The following CDH12 variants were observed in gnomAD, a reference collection of about 807,000 sequenced individuals.
The protein encoded by CDH12 is cadherin-12.
CDH12 carries 41 observed loss-of-function variants against 74.1 expected under a neutral mutation model. The ratio of observed to expected loss-of-function variants is 0.55; its 90% CI spans 0.43 to 0.72. The LOEUF (loss-of-function observed/expected upper bound fraction) is 0.72, where lower values mean the gene tolerates loss of function less well. CDH12 is among the 30% of genes least tolerant of loss of function. The pLI, the probability that CDH12 is intolerant of heterozygous loss-of-function variation, is 0.00. For synonymous variants in CDH12, 399 were observed against 355.0 expected, an observed-to-expected ratio of 1.12 and a Z score of -1.39; for missense variants, 945 against 977.2, an observed-to-expected ratio of 0.97 and a Z score of 0.44.
intron 5 of CDH12, among the ~76,000 whole-genome samples, chr5:22,040,052 A>C (rs898678606): frequency 1.3e-5 from 2 of 152,146 alleles, no homozygotes; most frequent in Non-Finnish European, 2.9e-5. Context: ...AGTGAGATAC[A>C]AGAGAATACA....
At chr5:22,111,143 T>C (rs1043591133) in intron 4 of CDH12, among the ~76,000 whole-genome samples, 10 of 152,150 alleles carry the variant, frequency 6.6e-5, no homozygotes, top group African/African-American at 2.4e-4. Context: ...TTTCCTTTTA[T>C]TTTCTTGGGT....
intron 6 of CDH12, among the ~76,000 whole-genome samples, chr5:21,973,360 T>A (rs890627412): frequency 6.6e-6 from 1 of 152,204 alleles, no homozygotes; most frequent in African/African-American, 2.4e-5. Flanking sequence ...TCCAGTATCT[T>A]ATGACAACAC....
At chr5:22,065,188 C>T (rs1293966456) in intron 5 of CDH12, among the ~76,000 whole-genome samples, 1 of 152,124 alleles carries the variant, frequency 6.6e-6, no homozygotes, top group Non-Finnish European at 1.5e-5. Flanking sequence ...AGTTGTGTAA[C>T]TAGACCCAAG....
At chr5:22,284,295 C>A (rs773951886) in intron 3 of CDH12, among the ~76,000 whole-genome samples, 9 of 152,082 alleles carry the variant, frequency 5.9e-5, no homozygotes, top group Non-Finnish European at 1.2e-4. Flanking sequence ...GCTATCACAG[C>A]AATATACATT....
chr5:22,091,847 T>A (rs1315800276), intron 4 of CDH12, among the ~76,000 whole-genome samples: 1 of 151,854 alleles, frequency 6.6e-6, no homozygotes, highest in East Asian at 2.0e-4. Context: ...GGTACTGGCA[T>A]AAGTATACAC....
chr5:22,649,126 G>T (rs1350655151), intron 1 of CDH12, among the ~76,000 whole-genome samples: 1 of 152,006 alleles, frequency 6.6e-6, no homozygotes, highest in Non-Finnish European at 1.5e-5. Flanking sequence ...AGGGTGAAAT[G>T]AGGACTAAGG....
intron 1 of CDH12, among the ~76,000 whole-genome samples, chr5:22,538,597 A>T: frequency 6.6e-6 from 1 of 152,240 alleles, no homozygotes; most frequent in Non-Finnish European, 1.5e-5. Context: ...GGCTGGCAAG[A>T]GGCAAAAATC....
At chr5:22,230,991 A>G (rs1162876176) in intron 3 of CDH12, among the ~76,000 whole-genome samples, 4 of 152,214 alleles carry the variant, frequency 2.6e-5, no homozygotes, top group Non-Finnish European at 5.9e-5. Flanking sequence ...ACAATGCCAT[A>G]TTCTTGTGAC....
intron 4 of CDH12, among the ~76,000 whole-genome samples, chr5:22,115,689 CTTTT>C (rs10669028): frequency 1.8e-5 from 2 of 110,480 alleles, no homozygotes; most frequent in Non-Finnish European, 3.5e-5. Flanking sequence ...GTCCTCGCGA[CTTTT>C]TTTTTTTTTT....
intron 6 of CDH12, among the ~76,000 whole-genome samples, chr5:21,954,460 C>T (rs542340350): frequency 6.6e-6 from 1 of 152,172 alleles, no homozygotes; most frequent in Non-Finnish European, 1.5e-5. Context: ...AGAGAGCTAA[C>T]TGTTATCCCA....
chr5:22,107,903 A>C (rs1476258238), intron 4 of CDH12, among the ~76,000 whole-genome samples: 1 of 152,226 alleles, frequency 6.6e-6, no homozygotes, highest in African/African-American at 2.4e-5. Flanking sequence ...TACAGGCATA[A>C]GATGAGATAC....
chr5:22,496,664 C>A (rs1042799757), intron 2 of CDH12, among the ~76,000 whole-genome samples: 1 of 152,156 alleles, frequency 6.6e-6, no homozygotes, highest in African/African-American at 2.4e-5. Context: ...TCAACATAAA[C>A]AATGGAATCC....
chr5:22,128,855 C>T (rs1039919946), intron 4 of CDH12, among the ~76,000 whole-genome samples: 9 of 152,176 alleles, frequency 5.9e-5, no homozygotes, highest in African/African-American at 2.2e-4. Flanking sequence ...AGAATATGCA[C>T]ATTTGCATGT....
intron 2 of CDH12, among the ~76,000 whole-genome samples, chr5:22,497,724 C>T (rs376596247): frequency 1.5e-5 from 2 of 131,338 alleles, no homozygotes; most frequent in Admixed American, 8.7e-5. Flanking sequence ...CTCACTGCAA[C>T]CTCAGCCTCC....
chr5:21,868,617 T>A (rs1751457390), intron 6 of CDH12, among the ~76,000 whole-genome samples: 1 of 152,190 alleles, frequency 6.6e-6, no homozygotes. Context: ...TTGAGAATAG[T>A]TACCCCTTTC....
intron 3 of CDH12, among the ~76,000 whole-genome samples, chr5:22,384,460 A>T (rs1435503735): frequency 7.6e-6 from 1 of 131,986 alleles, no homozygotes; most frequent in Non-Finnish European, 1.6e-5. Context: ...CGGGAGGCGG[A>T]GCTTGCAGTG....
At chr5:22,852,078 T>C (rs1737582132) in intron 1 of CDH12, among the ~76,000 whole-genome samples, 1 of 152,176 alleles carries the variant, frequency 6.6e-6, no homozygotes, top group Non-Finnish European at 1.5e-5. Context: ...ATTTGAATTT[T>C]TCCCCCTCAG....
chr5:22,033,506 A>C (rs1738969368), intron 5 of CDH12, among the ~76,000 whole-genome samples: 1 of 152,210 alleles, frequency 6.6e-6, no homozygotes, highest in African/African-American at 2.4e-5. Context: ...TTTCTGTGTT[A>C]GTTTTATAAT....
chr5:22,322,993 A>G (rs992655997), intron 3 of CDH12, among the ~76,000 whole-genome samples: 13 of 152,198 alleles, frequency 8.5e-5, no homozygotes, highest in Non-Finnish European at 8.8e-5. Context: ...TTTGGCTCCC[A>G]GTTCTCATTT....
Sources: gnomAD v4.1 joint callset for allele counts (sites outside exome capture counted in the v4.1 genomes callset) on GRCh38, gnomAD v4.1.1 for gene constraint, MANE v1.5 for transcripts, NCBI Gene and HGNC (gene_info 2026-07-23, HGNC 2026-07-21) for gene names.